The following ADCY8 variants were observed in gnomAD, a reference collection of about 807,000 sequenced individuals.
ADCY8 encodes adenylate cyclase 8.
In ADCY8, 51 loss-of-function variants were observed where a neutral mutation model predicts 119.7. That is an observed-to-expected ratio of 0.43 (90% CI 0.34 to 0.54). The LOEUF (loss-of-function observed/expected upper bound fraction) is 0.54, where lower values mean the gene tolerates loss of function less well. Among genes scored for constraint, ADCY8 ranks in the 20% least tolerant of loss-of-function variants. ADCY8 has a pLI of 0.03. For missense variants in ADCY8, 1,383 were observed against 1,598.8 expected, an observed-to-expected ratio of 0.87 and a Z score of 2.30; for synonymous variants, 665 against 651.0, an observed-to-expected ratio of 1.02 and a Z score of -0.33.
rs1817449483 is a variant in ADCY8, at chr8:130,849,626, A to G, written c.2388T>C (p.Asn796=). The G allele has an allele frequency of 1.2e-6, 2 of 1,613,870 alleles. No individual in the cohort carries two copies. The highest frequency in any genetic ancestry group is 1.1e-5 in the South Asian group (1 of 91,080). Residue 796 remains asparagine (N), a synonymous_variant, in exon 10 of 18, where the codon AAT becomes AAC. Coordinates refer to ENST00000286355, the MANE Select transcript of ADCY8 (RefSeq NM_001115.3). ...NVIIFASILI[N]FLGAILNILW... is the part of the protein sequence containing the mutation. ...CGATATTTAAGATGGCACCCAGGAA[A>G]TTAATCAAAATGGATGCAAAGATGA...
chr8:130,965,808 A>T (rs1821745812), intron 2 of ADCY8, among the ~76,000 whole-genome samples: 1 of 152,192 alleles, frequency 6.6e-6, no homozygotes, highest in Admixed American at 6.5e-5. Context: ...TTTATGTATA[A>T]TTTTTCATAA....
chr8:130,822,554 C>G (rs1280477644), intron 12 of ADCY8, among the ~76,000 whole-genome samples: 1 of 150,876 alleles, frequency 6.6e-6, no homozygotes, highest in Non-Finnish European at 1.5e-5. Context: ...ATCCATCCAT[C>G]CATCCATCCA....
chr8:130,993,953 C>T (rs1207277851), intron 1 of ADCY8, among the ~76,000 whole-genome samples: 1 of 152,224 alleles, frequency 6.6e-6, no homozygotes, highest in African/African-American at 2.4e-5. Flanking sequence ...AACCAGGTTT[C>T]ATCTCCTGTT....
chr8:131,011,551 C>G (rs942886935), intron 1 of ADCY8, among the ~76,000 whole-genome samples: 1 of 152,120 alleles, frequency 6.6e-6, no homozygotes, highest in Admixed American at 6.6e-5. Context: ...AAGGGCTCTG[C>G]TTTAACAACA....
At chr8:130,793,812 A>G (rs796610487) in intron 15 of ADCY8, among the ~76,000 whole-genome samples, 9 of 152,342 alleles carry the variant, frequency 5.9e-5, no homozygotes, top group African/African-American at 2.2e-4. Context: ...CTTTTAAACA[A>G]ACTTACATTT....
At chr8:130,784,914 T>C (rs1815203869) in intron 16 of ADCY8, among the ~76,000 whole-genome samples, 1 of 152,162 alleles carries the variant, frequency 6.6e-6, no homozygotes, top group Non-Finnish European at 1.5e-5. Context: ...GAGCATGACA[T>C]TATCTGAGAT....
At chr8:130,891,405 T>G (rs1220054276) in intron 7 of ADCY8, among the ~76,000 whole-genome samples, 1 of 152,054 alleles carries the variant, frequency 6.6e-6, no homozygotes, top group Non-Finnish European at 1.5e-5. Flanking sequence ...TTAAAAAGAG[T>G]CATTTTGTGT....
Position 130,967,799 on chromosome 8 carries a change from C to G in ADCY8, c.1111-15801G>C, listed in dbSNP as rs1034278190. ...TCAAACTGGGAACTTTGGGACAAAGCTCTTTCCTGATTTGTTCAATCATTG... is the reference window on the plus strand; with the variant it reads ...TCAAACTGGGAACTTTGGGACAAAGGTCTTTCCTGATTTGTTCAATCATTG... On this transcript the variant is annotated intron_variant, in intron 2 of 17. Transcript: ENST00000286355. Among the ~76,000 whole-genome samples, 5 of 152,090 alleles carry G rather than the reference C, an allele frequency of 3.3e-5. No homozygotes were observed. In the South Asian group the frequency reaches 8.3e-4, roughly 25 times the overall value.
At position 130,821,362 on chromosome 8, in the gene ADCY8, C is replaced by A. The variant is rs1177577031; in HGVS notation, c.2734G>T (p.Val912Leu). 6.2e-7 allele frequency: 1 copy of A among 1,613,338 alleles called. No individual in the cohort carries two copies. Among genetic ancestry groups the A allele is most frequent in the South Asian group, 1.1e-5 (1 of 91,016 alleles). ...LLLMAMFLLAVFYHGQQLEYT... is the reference protein window; with the variant it reads ...LLLMAMFLLALFYHGQQLEYT... ...ATTACCTGCTGTCCATGGTAGAACA[C>A]AGCCAGGAGGAACATGGCCATCAGT... is the stretch of plus-strand genomic sequence containing the variant. The change falls in exon 13 of 18, where the codon GTG (valine) becomes TTG (leucine). Residue 912 changes from valine to leucine, a missense_variant. Val to Leu is a conservative substitution (Grantham distance 32, BLOSUM62 1). Around this residue, in one of 2 missense-constraint regions of ADCY8, gnomAD observed 928 missense variants for 1,163.5 expected, o/e 0.80. Coordinates refer to ENST00000286355, the MANE Select transcript of ADCY8 (RefSeq NM_001115.3).
chr8:130,975,778 T>A (rs1044961746), intron 2 of ADCY8, among the ~76,000 whole-genome samples: 11 of 152,108 alleles, frequency 7.2e-5, no homozygotes, highest in African/African-American at 2.4e-4. Context: ...AAGTTGTCTA[T>A]AAATACAGTT....
chr8:130,915,793 C>A (rs1820110417), intron 5 of ADCY8, among the ~76,000 whole-genome samples: 2 of 152,204 alleles, frequency 1.3e-5, no homozygotes, highest in South Asian at 4.1e-4. Context: ...ACTCTGCCTA[C>A]ATCAACTCTA....
At chr8:130,888,123 C>T (rs1819057337) in intron 7 of ADCY8, among the ~76,000 whole-genome samples, 1 of 151,766 alleles carries the variant, frequency 6.6e-6, no homozygotes, top group African/African-American at 2.4e-5. Context: ...CACATAAACA[C>T]TCTAAACAAT....
At chr8:130,901,603 C>T (rs1040230221) in intron 7 of ADCY8, among the ~76,000 whole-genome samples, 1 of 152,174 alleles carries the variant, frequency 6.6e-6, no homozygotes, top group African/African-American at 2.4e-5. Context: ...CAAATTATGT[C>T]TCTGAATTGC....
intron 15 of ADCY8, among the ~76,000 whole-genome samples, chr8:130,797,123 C>A (rs950532387): frequency 1.3e-5 from 2 of 152,224 alleles, no homozygotes; most frequent in African/African-American, 4.8e-5. Flanking sequence ...TGCTATAAAG[C>A]AAACTTGTCC....
intron 15 of ADCY8, among the ~76,000 whole-genome samples, chr8:130,790,551 A>G (rs1815393925): frequency 1.3e-5 from 2 of 151,960 alleles, no homozygotes; most frequent in Non-Finnish European, 2.9e-5. Flanking sequence ...CTAAATATCT[A>G]CTCTGCTGAG....
At chr8:130,829,116 G>T (rs1288406735) in intron 12 of ADCY8, among the ~76,000 whole-genome samples, 1 of 152,196 alleles carries the variant, frequency 6.6e-6, no homozygotes, top group Non-Finnish European at 1.5e-5. Context: ...CTGGTTCCAT[G>T]GCCGAGGTCA....
chr8:130,848,629 G>A (rs998076597), intron 10 of ADCY8, among the ~76,000 whole-genome samples: 1 of 152,098 alleles, frequency 6.6e-6, no homozygotes, highest in Non-Finnish European at 1.5e-5. Context: ...GCACACTTGG[G>A]GACCCTCCCT....
At chr8:130,950,172 G>T (rs1454997756) in intron 3 of ADCY8, among the ~76,000 whole-genome samples, 1 of 152,176 alleles carries the variant, frequency 6.6e-6, no homozygotes, top group East Asian at 1.9e-4. Context: ...TTAATGTAAG[G>T]ACTCTGACTC....
At chr8:131,014,778 G>T (rs565636669) in intron 1 of ADCY8, among the ~76,000 whole-genome samples, 7 of 152,292 alleles carry the variant, frequency 4.6e-5, no homozygotes, top group African/African-American at 1.7e-4. Context: ...TTCATAGGTT[G>T]TTGTGACTGA....
Sources: allele counts gnomAD v4.1 joint callset (sites outside exome capture counted in the v4.1 genomes callset), GRCh38; gene constraint gnomAD v4.1.1; regional missense constraint gnomAD v4.1.1; transcripts MANE v1.5; gene names NCBI Gene and HGNC (gene_info 2026-07-23, HGNC 2026-07-21).